Variants in GTF3C1 observed in about 807,000 individuals in gnomAD.
GTF3C1 encodes general transcription factor IIIC subunit 1.
Under a neutral mutation model 226.7 loss-of-function variants are expected in GTF3C1, and 57 were observed. The observed-to-expected ratio is 0.25, with a 90% CI of 0.20 to 0.31. The LOEUF (loss-of-function observed/expected upper bound fraction) is 0.31, where lower values mean the gene tolerates loss of function less well. Ranked by LOEUF, GTF3C1 falls within the 10% of genes least tolerant of loss-of-function variation. The probability of loss-of-function intolerance (pLI) is 1.00; values close to 1 mark genes in which losing one functional copy is unlikely to be tolerated. For synonymous variants in GTF3C1, 1,090 were observed against 1,084.8 expected (o/e 1.00, Z -0.09); for missense variants, 2,217 against 2,776.1 (o/e 0.80, Z 4.53).
chr16:27,538,967 CAT>C (rs199691639), intron 2 of GTF3C1, among the ~76,000 whole-genome samples: 102 of 132,896 alleles, frequency 7.7e-4, no homozygotes, highest in Middle Eastern at 7.1e-3. Flanking sequence ...TATATACACA[CAT>C]ATACACACAC....
Position 27,471,081 on chromosome 16 carries a change from T to A in GTF3C1, c.4526+667A>T, listed in dbSNP as rs945900555. Among the ~76,000 whole-genome samples the A allele has an allele frequency of 1.2e-4, 19 of 152,136 alleles. No individual in the cohort carries two copies. The highest frequency in any genetic ancestry group is 4.6e-4 in the African/African-American group (19 of 41,426). On this transcript the variant is annotated intron_variant, in intron 30 of 36. Transcript: ENST00000356183. The surrounding 1 kb of genome is among the most constrained non-coding windows in gnomAD (Gnocchi z 5.0). ...AGTGTCTGCCGTCGTGGGGAAGGGA[T>A]GGGATCAAAGAACCAAAAGAAGATT...
chr16:27,464,416 G>C lies in GTF3C1; in HGVS notation c.5776C>G (p.Gln1926Glu). The C allele has an allele frequency of 6.2e-7, 1 of 1,604,000 alleles. No individual in the cohort carries two copies. Among genetic ancestry groups the C allele is most frequent in the Non-Finnish European group, 8.5e-7 (1 of 1,175,072 alleles). ...TCACCGACACCCTCTTGGTCTTCCT[G>C]TGCTGCTCCCGCTGCAGCGGTGTCT... ...LEDTAAAGAAQEDQEGVGEFS... is the reference protein window; with the variant it reads ...LEDTAAAGAAEEDQEGVGEFS... The change falls in exon 34 of 37, where the codon CAG becomes GAG. Residue 1926 changes from glutamine (Q) to glutamate (E), a missense_variant. Gln to Glu is a conservative substitution (Grantham distance 29). Transcript: ENST00000356183.
intron 5 of GTF3C1, among the ~76,000 whole-genome samples, chr16:27,532,190 G>C (rs1304359663): frequency 6.6e-6 from 1 of 152,146 alleles, no homozygotes; most frequent in African/African-American, 2.4e-5. Flanking sequence ...ATTTTTAACA[G>C]ACCAAGTCTG....
chr16:27,485,957 G>C, intron 24 of GTF3C1, 40 bp downstream of exon 24: 1 of 1,469,932 alleles, frequency 6.8e-7, no homozygotes, highest in Non-Finnish European at 9.3e-7. Flanking sequence ...GGAGCTCCGA[G>C]TGAGGGGCAG....
At chr16:27,465,156 G>A (rs576966485) in intron 33 of GTF3C1, 104 bp downstream of exon 33, 14 of 1,027,626 alleles carry the variant, frequency 1.4e-5, no homozygotes, top group African/African-American at 7.9e-5. Context: ...TAAAAAGAAC[G>A]CAGCATGCTA....
At position 27,549,755 on chromosome 16, in the gene GTF3C1, A is replaced by G; in HGVS notation, c.136T>C (p.Phe46Leu). ...PLPLEPCTQE[F>L]LWRALATHPG... ...TGCGTGGCGAGGGCCCGCCAGAGAA[A>G]CTCCTGCGTGCAGGGTTCCAAAGGC... Residue 46 changes from phenylalanine to leucine, a missense_variant, in exon 1 of 37, where the codon TTT (phenylalanine) becomes CTT (leucine). Phe to Leu is a conservative substitution (Grantham distance 22). This residue lies in a region of GTF3C1 where 192 missense variants were observed against 251.8 expected (regional missense o/e 0.76). Coordinates refer to ENST00000356183, the MANE Select transcript of GTF3C1 (RefSeq NM_001520.4). 6.2e-7 allele frequency: 1 copy of G among 1,612,106 alleles called. No individual in the cohort carries two copies. The highest frequency in any genetic ancestry group is 1.1e-5 in the South Asian group (1 of 91,022).
intron 11 of GTF3C1, among the ~76,000 whole-genome samples, chr16:27,501,782 T>C (rs1012039812): frequency 6.6e-6 from 1 of 152,240 alleles, no homozygotes; most frequent in Non-Finnish European, 1.5e-5. Context: ...TGAGTCACTA[T>C]GGTGATCTTT....
intron 20 of GTF3C1, 54 bp from the exon 21 acceptor site, chr16:27,489,232 G>C (rs932224256): frequency 3.1e-6 from 5 of 1,594,334 alleles, no homozygotes; most frequent in Non-Finnish European, 4.3e-6. Context: ...CACCGAAAAA[G>C]AGAGCCCATG....
intron 6 of GTF3C1, among the ~76,000 whole-genome samples, chr16:27,517,966 AAG>A (rs764729799): frequency 2.0e-5 from 3 of 152,320 alleles, no homozygotes; most frequent in Non-Finnish European, 2.9e-5. Flanking sequence ...AGGCGGAACC[AAG>A]AGTCTGTGTT....
chr16:27,523,850 G>C (rs2088788321), intron 6 of GTF3C1, among the ~76,000 whole-genome samples: 1 of 152,158 alleles, frequency 6.6e-6, no homozygotes, highest in African/African-American at 2.4e-5. Flanking sequence ...AACAGTATGG[G>C]CAAAGACATC....
intron 6 of GTF3C1, among the ~76,000 whole-genome samples, chr16:27,520,480 A>G (rs2088728452): frequency 6.6e-6 from 1 of 151,996 alleles, no homozygotes; most frequent in South Asian, 2.1e-4. Context: ...TGACCACAAA[A>G]TGGGATAACA....
chr16:27,481,010 G>T, intron 27 of GTF3C1, 69 bp downstream of exon 27: 1 of 1,301,140 alleles, frequency 7.7e-7, no homozygotes, highest in Non-Finnish European at 1.1e-6. Context: ...CTGCTGATAA[G>T]GGAGACAGGG....
At chr16:27,537,576 A>AT (rs1360672113) in intron 4 of GTF3C1, among the ~76,000 whole-genome samples, 1 of 151,888 alleles carries the variant, frequency 6.6e-6, no homozygotes, top group Admixed American at 6.6e-5. Flanking sequence ...CGCCCAGCTA[A>AT]TTTTTTATTT....
At chr16:27,464,864 T>C (rs752888384) in intron 33 of GTF3C1, 28 bp from the exon 34 acceptor site, 3 of 1,487,992 alleles carry the variant, frequency 2.0e-6, no homozygotes, top group Non-Finnish European at 2.7e-6. Flanking sequence ...ACGCGGGGTC[T>C]GTGGGGAGCT....
chr16:27,464,592 G>A lies in GTF3C1; in HGVS notation c.5600C>T (p.Ala1867Val). Residue 1867 changes from alanine (A) to valine (V), a missense_variant, in exon 34 of 37, where the codon GCC becomes GTC. Physicochemically the swap from Ala to Val is moderately conservative, Grantham distance 64. This residue lies in a region of GTF3C1 where 455 missense variants were observed against 441.9 expected (regional missense o/e 1.03). Transcript: ENST00000356183. ...PRGTKRRASW[A>V]SENGETDAEG... ...GGCGTCGGTCTCCCCATTCTCACTG[G>A]CCCAGCTGGCGCGCCTCTTGGTGCC... The A allele has an allele frequency of 6.7e-7, 1 of 1,491,638 alleles. No homozygotes were observed. The highest frequency in any genetic ancestry group is 8.9e-7 in the Non-Finnish European group (1 of 1,120,136). The allele number at this position is 1,491,638 out of a possible 1,614,324, so 92.4% of individuals were successfully genotyped here.
chr16:27,492,291 G>A lies in GTF3C1; in HGVS notation c.3151+47C>T. 1.7e-6 allele frequency: 2 copies of A among 1,179,940 alleles called. No homozygotes were observed. Among genetic ancestry groups the A allele is most frequent in the South Asian group, 2.7e-5 (2 of 73,330 alleles). 73.1% of individuals were successfully genotyped at this position (1,179,940 alleles called of 1,614,324 possible). A position where few individuals can be genotyped will look rare whatever the true frequency, so the allele number is the denominator to read the frequency against. ...AGCCCTAAATCCCAGTTAGCACACA[G>A]AAAGGAGCAAAAGCAGCCAGGTTCA... is the stretch of plus-strand genomic sequence containing the variant. On this transcript the variant is annotated intron_variant, in intron 19 of 36. Coordinates refer to ENST00000356183, the MANE Select transcript of GTF3C1 (RefSeq NM_001520.4). This position sits in a 1 kb window ranked among gnomAD's most constrained non-coding sequence, Gnocchi z 5.0.
At chr16:27,508,725 C>T in intron 7 of GTF3C1, 70 bp from the exon 8 acceptor site, 1 of 1,110,152 alleles carries the variant, frequency 9.0e-7, no homozygotes. Context: ...AGTTTCCAGC[C>T]CACTTTTTCA....
At chr16:27,481,034 C>T (rs747435403) in intron 27 of GTF3C1, 45 bp downstream of exon 27, 6 of 1,508,470 alleles carry the variant, frequency 4.0e-6, no homozygotes, top group Non-Finnish European at 5.5e-6. Context: ...GCCTTTTCTT[C>T]TTGCCCTGCG....
At chr16:27,488,757 G>T in intron 21 of GTF3C1, 122 bp from the exon 22 acceptor site, 1 of 814,536 alleles carries the variant, frequency 1.2e-6, no homozygotes, top group East Asian at 2.6e-5. Flanking sequence ...GACAGCCAGG[G>T]GCTGGAGTCT....
Sources: allele counts gnomAD v4.1 joint callset (sites outside exome capture counted in the v4.1 genomes callset), GRCh38; gene constraint gnomAD v4.1.1; regional missense constraint gnomAD v4.1.1; non-coding constraint Gnocchi (gnomAD v3.1); transcripts MANE v1.5; gene names NCBI Gene and HGNC (gene_info 2026-07-23, HGNC 2026-07-21).